Variants in TRAPPC9 observed in about 807,000 individuals in gnomAD.
TRAPPC9 encodes IKK2 binding protein.
Under a neutral mutation model 124.0 loss-of-function variants are expected in TRAPPC9, and 83 were observed. The ratio of observed to expected loss-of-function variants is 0.67; its 90% CI spans 0.56 to 0.80. The LOEUF (loss-of-function observed/expected upper bound fraction) is 0.80. TRAPPC9 is among the 30% of genes least tolerant of loss of function. The pLI is 0.00. For missense variants in TRAPPC9, 1,302 were observed against 1,508.3 expected, an observed-to-expected ratio of 0.86 and a Z score of 2.27; for synonymous variants, 638 against 617.5, an observed-to-expected ratio of 1.03 and a Z score of -0.49.
chr8:139,964,361 G>A (rs532714384), intron 19 of TRAPPC9, among the ~76,000 whole-genome samples: 1 of 152,188 alleles, frequency 6.6e-6, no homozygotes, highest in African/African-American at 2.4e-5. Flanking sequence ...CAGGGTGTGT[G>A]GACAATCAGT....
intron 21 of TRAPPC9, among the ~76,000 whole-genome samples, chr8:139,797,859 G>A (rs142359024): frequency 2.4e-4 from 36 of 152,314 alleles, no homozygotes; most frequent in African/African-American, 8.7e-4. Context: ...TGATCTGTAC[G>A]TCCATCCTTA....
At chr8:140,083,200 A>G (rs979189335) in intron 17 of TRAPPC9, among the ~76,000 whole-genome samples, 1 of 152,212 alleles carries the variant, frequency 6.6e-6, no homozygotes, top group African/African-American at 2.4e-5. Flanking sequence ...CTCAAAAAAA[A>G]AAATTCACAT....
chr8:139,761,272 G>A (rs761280147), intron 21 of TRAPPC9, among the ~76,000 whole-genome samples: 65 of 152,278 alleles, frequency 4.3e-4, no homozygotes, highest in Admixed American at 7.8e-4. Flanking sequence ...ACCATTTATA[G>A]GGTGCAGGGC....
intron 15 of TRAPPC9, among the ~76,000 whole-genome samples, chr8:140,266,830 A>G (rs2064681451): frequency 6.6e-6 from 1 of 152,108 alleles, no homozygotes; most frequent in Admixed American, 6.5e-5. Flanking sequence ...ACTGCACTCC[A>G]GCCTGGGCGA....
intron 2 of TRAPPC9, among the ~76,000 whole-genome samples, chr8:140,445,790 G>C (rs1228830102): frequency 6.6e-6 from 1 of 152,194 alleles, no homozygotes; most frequent in Non-Finnish European, 1.5e-5. Flanking sequence ...TTGGTACTTG[G>C]ACCAGAGCAC....
At chr8:140,413,314 G>A (rs1296799751) in intron 5 of TRAPPC9, among the ~76,000 whole-genome samples, 2 of 152,048 alleles carry the variant, frequency 1.3e-5, no homozygotes, top group African/African-American at 4.8e-5. Context: ...GCTTGAACCA[G>A]GGAAGCAGAG....
At chr8:140,156,613 T>C (rs1355856738) in intron 17 of TRAPPC9, among the ~76,000 whole-genome samples, 1 of 152,250 alleles carries the variant, frequency 6.6e-6, no homozygotes. Flanking sequence ...CGAATGGAAC[T>C]GCTGAAGCAG....
At chr8:140,379,480 C>A (rs562557791) in intron 7 of TRAPPC9, among the ~76,000 whole-genome samples, 16 of 152,316 alleles carry the variant, frequency 1.1e-4, no homozygotes, top group African/African-American at 3.6e-4. Context: ...ATTCTGCCAT[C>A]TGGCTCACAT....
intron 19 of TRAPPC9, among the ~76,000 whole-genome samples, chr8:139,937,702 G>A (rs767530709): frequency 6.6e-6 from 1 of 152,222 alleles, no homozygotes; most frequent in Non-Finnish European, 1.5e-5. Flanking sequence ...CGGCAGGGCA[G>A]TGAATGAAAA....
chr8:140,148,087 G>A (rs1288070249), intron 17 of TRAPPC9, among the ~76,000 whole-genome samples: 2 of 152,340 alleles, frequency 1.3e-5, no homozygotes, highest in African/African-American at 2.4e-5. Context: ...CCTGTGCTCC[G>A]TGCTCCCTTG....
intron 21 of TRAPPC9, among the ~76,000 whole-genome samples, chr8:139,857,995 A>C (rs1827904819): frequency 6.6e-6 from 1 of 152,238 alleles, no homozygotes; most frequent in African/African-American, 2.4e-5. Context: ...AGAAAGGAAG[A>C]GAAAGGAGGC....
intron 20 of TRAPPC9, among the ~76,000 whole-genome samples, chr8:139,891,180 C>T (rs1219509768): frequency 6.6e-6 from 1 of 152,246 alleles, no homozygotes; most frequent in African/African-American, 2.4e-5. Context: ...AATTGTTTTT[C>T]TTCCTTTGAA....
rs140876658 is a variant in TRAPPC9 at position 140,245,545 on chromosome 8, C to CGGG, written c.2431+7229_2431+7231dup. On this transcript the variant is annotated intron_variant, in intron 16 of 22. Coordinates refer to ENST00000438773, the MANE Select transcript of TRAPPC9 (RefSeq NM_001160372.4). ...ACCACTTTAACCATTTTTAAATGTA[C>CGGG]GGGGTCAGCAGCATTAAGCACATTC... Among the ~76,000 whole-genome samples, 313 of 151,896 alleles carry CGGG rather than the reference C, an allele frequency of 2.1e-3. 3 individuals carry two copies. Among genetic ancestry groups the CGGG allele is most frequent in the African/African-American group, 7.1e-3 (293 of 41,406 alleles).
intron 21 of TRAPPC9, among the ~76,000 whole-genome samples, chr8:139,733,141 T>C (rs1053552333): frequency 1.3e-5 from 2 of 152,204 alleles, no homozygotes; most frequent in Admixed American, 1.3e-4. Flanking sequence ...AAGGTCCCGA[T>C]AGGAGCTCAT....
intron 5 of TRAPPC9, among the ~76,000 whole-genome samples, chr8:140,411,751 T>TA (rs2132465273): frequency 6.6e-6 from 1 of 152,180 alleles, no homozygotes; most frequent in South Asian, 2.1e-4. Context: ...TGGCCAAATC[T>TA]AGCCAATGAG....
rs558903002 is a variant in TRAPPC9, at chr8:140,076,665, G to A, written c.2557-52586C>T. Among the ~76,000 whole-genome samples the A allele has an allele frequency of 1.1e-4, 16 of 152,252 alleles. No individual in the cohort carries two copies. The South Asian group carries it at 1.9e-3, about 18-fold the overall frequency. Reference sequence around the variant, plus strand: ...CACTGTGAGGTCTGAATACGATCACGAAGATCGGCCGTGGCACCCCAAGGC... The same window carrying A: ...CACTGTGAGGTCTGAATACGATCACAAAGATCGGCCGTGGCACCCCAAGGC... On this transcript the variant is annotated intron_variant, in intron 17 of 22. Coordinates refer to ENST00000438773, the MANE Select transcript of TRAPPC9 (RefSeq NM_001160372.4).
chr8:139,931,074 C>T (rs1833114086), intron 19 of TRAPPC9: 1 of 152,208 alleles, frequency 6.6e-6, no homozygotes, highest in South Asian at 2.1e-4. Flanking sequence ...TCCCAAACTG[C>T]CCCAAAGGGG....
At chr8:140,446,075 T>C (rs2071243728) in intron 2 of TRAPPC9, among the ~76,000 whole-genome samples, 1 of 152,078 alleles carries the variant, frequency 6.6e-6, no homozygotes, top group Admixed American at 6.6e-5. Flanking sequence ...GGTGGATCAC[T>C]TGAGGTCAGG....
chr8:140,051,576 C>CT (rs1197128988), intron 17 of TRAPPC9, among the ~76,000 whole-genome samples: 12,248 of 87,988 alleles, frequency 0.14, 1,105 homozygotes, highest in African/African-American at 0.25. Context: ...ATTGTTCATT[C>CT]TTTTTTTTTT....
Sources: gnomAD v4.1 joint callset for allele counts (sites outside exome capture counted in the v4.1 genomes callset) on GRCh38, gnomAD v4.1.1 for gene constraint, MANE v1.5 for transcripts, NCBI Gene and HGNC (gene_info 2026-07-23, HGNC 2026-07-21) for gene names.